The following RP1 variants were observed in gnomAD, a reference collection of about 807,000 sequenced individuals.
RP1 encodes oxygen-regulated protein 1.
RP1 carries 16 observed loss-of-function variants against 14.8 expected under a neutral mutation model. That is an observed-to-expected ratio of 1.08 (90% CI 0.73 to 1.65). RP1 has a LOEUF of 1.65. RP1 is among the 40% of genes most tolerant of loss of function. The pLI is 0.00. For synonymous variants in RP1, 876 were observed against 883.6 expected (o/e 0.99, Z 0.15); for missense variants, 2,631 against 2,535.0 (o/e 1.04, Z -0.81).
At position 54,630,486 on chromosome 8, in the gene RP1, C is replaced by T; in HGVS notation, c.*133C>T. Reference sequence around the variant, plus strand: ...AAATGAACTTACTCTAGAAAGCTTACCCTTGGATAACCAGTTTGACTTTCA... The same window carrying T: ...AAATGAACTTACTCTAGAAAGCTTATCCTTGGATAACCAGTTTGACTTTCA... On this transcript the variant is annotated 3_prime_UTR_variant, in exon 4 of 4. Transcript: ENST00000220676. 1 of 1,484,874 alleles carries T rather than the reference C, an allele frequency of 6.7e-7. No individual in the cohort carries two copies. Among genetic ancestry groups the T allele is most frequent in the Non-Finnish European group, 8.9e-7 (1 of 1,122,696 alleles). 92.0% of individuals were successfully genotyped at this position (1,484,874 alleles called of 1,614,324 possible).
chr8:54,591,400 G>A (rs1805040540), intron 1 of RP1, among the ~76,000 whole-genome samples: 1 of 151,888 alleles, frequency 6.6e-6, no homozygotes, highest in Admixed American at 6.6e-5. Context: ...TCTGTCTTCT[G>A]TTTGGAATAC....
At chr8:54,656,107 G>A (rs1806749541) in exon 6 of RP1, 2 of 1,532,456 alleles carry the variant, frequency 1.3e-6, no homozygotes, top group Admixed American at 2.0e-5. Context: ...TATGAATTCT[G>A]GAAAACAGTT....
At chr8:54,839,718 C>G (rs1811746694) in intron 25 of RP1, among the ~76,000 whole-genome samples, 1 of 152,186 alleles carries the variant, frequency 6.6e-6, no homozygotes, top group Non-Finnish European at 1.5e-5. Flanking sequence ...GGTACTCCAT[C>G]CCACATACTC....
intron 24 of RP1, among the ~76,000 whole-genome samples, chr8:54,827,917 TA>T (rs1408674030): frequency 2.6e-5 from 4 of 151,890 alleles, no homozygotes; most frequent in African/African-American, 9.7e-5. Flanking sequence ...AAGTAGTAAT[TA>T]TTTTTTTCTA....
intron 24 of RP1, among the ~76,000 whole-genome samples, chr8:54,811,386 T>G (rs1293825538): frequency 1.3e-5 from 2 of 152,236 alleles, no homozygotes; most frequent in Non-Finnish European, 2.9e-5. Context: ...ATGTAACATT[T>G]TCTGCCATCC....
rs758856376 is a variant in RP1, at chr8:54,621,317, G to A, written c.351G>A (p.Leu117=). ...GCAGGAAGGTGCAGCCTGTAGACCTGGACAAAGCCCGTCGGCGCCCGCGGC... is the reference window on the plus strand; with the variant it reads ...GCAGGAAGGTGCAGCCTGTAGACCTAGACAAAGCCCGTCGGCGCCCGCGGC... The part of the protein sequence containing the change: ...SHGRKVQPVD[L]DKARRRPRPW... Residue 117 remains leucine, a synonymous_variant, in exon 2 of 4, where the codon CTG becomes CTA. Coordinates refer to ENST00000220676, the MANE Select transcript of RP1 (RefSeq NM_006269.2). 3.7e-6 allele frequency: 6 copies of A among 1,612,776 alleles called. No individual in the cohort carries two copies. Among genetic ancestry groups the A allele is most frequent in the African/African-American group, 1.3e-5 (1 of 74,902 alleles).
intron 8 of RP1, among the ~76,000 whole-genome samples, chr8:54,674,546 A>G (rs532563994): frequency 1.3e-5 from 2 of 151,496 alleles, no homozygotes; most frequent in African/African-American, 4.8e-5. Flanking sequence ...ACCCAAATGC[A>G]TCAAACAAGG....
At chr8:54,851,429 A>C (rs2129408160) in intron 25 of RP1, among the ~76,000 whole-genome samples, 1 of 152,342 alleles carries the variant, frequency 6.6e-6, no homozygotes, top group Admixed American at 6.5e-5. Context: ...CAGTGAACAG[A>C]AGCCTGGTTT....
intron 13 of RP1, among the ~76,000 whole-genome samples, chr8:54,700,923 G>T (rs1249390302): frequency 6.6e-6 from 1 of 152,106 alleles, no homozygotes; most frequent in Non-Finnish European, 1.5e-5. Flanking sequence ...ACTTTGCTGA[G>T]GTTGATAGAC....
intron 1 of RP1, among the ~76,000 whole-genome samples, chr8:54,570,326 T>A (rs1804493643): frequency 7.3e-6 from 1 of 136,918 alleles, no homozygotes; most frequent in South Asian, 2.3e-4. Context: ...TCTTTGCTTT[T>A]ATGTACTTTT....
chr8:54,820,386 T>C (rs905521150), intron 24 of RP1, among the ~76,000 whole-genome samples: 1 of 152,154 alleles, frequency 6.6e-6, no homozygotes, highest in African/African-American at 2.4e-5. Context: ...GTGGCCTGAC[T>C]GCCTTTCAAA....
At chr8:54,780,142 A>G (rs1810147852) in intron 23 of RP1, among the ~76,000 whole-genome samples, 1 of 152,178 alleles carries the variant, frequency 6.6e-6, no homozygotes. Flanking sequence ...TGTTGCAACT[A>G]CTCAACTCTG....
intron 24 of RP1, among the ~76,000 whole-genome samples, chr8:54,792,332 A>G (rs904549739): frequency 2.2e-4 from 33 of 151,988 alleles, no homozygotes; most frequent in Non-Finnish European, 3.7e-4. Flanking sequence ...TGAGGAAACC[A>G]TGGGTTTGAA....
intron 1 of RP1, among the ~76,000 whole-genome samples, chr8:54,607,089 A>G (rs1805465886): frequency 1.3e-5 from 2 of 151,972 alleles, no homozygotes; most frequent in African/African-American, 4.8e-5. Context: ...GCTGGTGAGG[A>G]GCTGTGTTCC....
intron 7 of RP1, chr8:54,673,717 G>A: frequency 1.4e-6 from 1 of 717,742 alleles, no homozygotes; most frequent in Non-Finnish European, 2.3e-6. Flanking sequence ...TCCAGCCTGG[G>A]TGACAGAGGG....
intron 12 of RP1, among the ~76,000 whole-genome samples, chr8:54,683,403 A>G (rs544073497): frequency 6.6e-6 from 1 of 152,226 alleles, no homozygotes; most frequent in East Asian, 1.9e-4. Context: ...CAGTGTGGCC[A>G]TTTGCATGAT....
chr8:54,716,520 C>T (rs1000898924), intron 15 of RP1, among the ~76,000 whole-genome samples: 2 of 151,894 alleles, frequency 1.3e-5, no homozygotes, highest in Non-Finnish European at 2.9e-5. Flanking sequence ...GTGGATATAC[C>T]AATTGTGTTT....
intron 12 of RP1, among the ~76,000 whole-genome samples, chr8:54,682,295 G>T (rs1236147517): frequency 6.6e-6 from 1 of 151,326 alleles, no homozygotes; most frequent in East Asian, 2.0e-4. Flanking sequence ...GAATGTGCAG[G>T]TTTGTTACAT....
At chr8:54,685,072 CA>C (rs1807529929) in intron 12 of RP1, among the ~76,000 whole-genome samples, 1 of 152,012 alleles carries the variant, frequency 6.6e-6, no homozygotes, top group Non-Finnish European at 1.5e-5. Context: ...ATAGGTGCAG[CA>C]GTCTGTCTAT....
Sources: gnomAD v4.1 joint callset for allele counts (sites outside exome capture counted in the v4.1 genomes callset) on GRCh38, gnomAD v4.1.1 for gene constraint, MANE v1.5 for transcripts, NCBI Gene and HGNC (gene_info 2026-07-23, HGNC 2026-07-21) for gene names.